The following DGKZ variants were observed in gnomAD, a reference collection of about 807,000 sequenced individuals.
The protein encoded by DGKZ is diacylglycerol kinase zeta.
In DGKZ, 45 loss-of-function variants were observed where a neutral mutation model predicts 142.5. The observed-to-expected ratio is 0.32, with a 90% CI of 0.25 to 0.40. The LOEUF (loss-of-function observed/expected upper bound fraction) is 0.40. Among genes scored for constraint, DGKZ ranks in the 10% least tolerant of loss-of-function variants. DGKZ has a pLI of 1.00. For synonymous variants in DGKZ, 442 were observed against 527.0 expected, an observed-to-expected ratio of 0.84 and a Z score of 2.21; for missense variants, 755 against 1,306.5, an observed-to-expected ratio of 0.58 and a Z score of 6.51.
intron 1 of DGKZ, among the ~76,000 whole-genome samples, chr11:46,342,299 A>C (rs905666572): frequency 1.3e-5 from 2 of 152,110 alleles, no homozygotes; most frequent in Non-Finnish European, 2.9e-5. Context: ...CAGAGATGAC[A>C]TTGACAGCGC....
At chr11:46,333,105 C>T in exon 1 of DGKZ, 1 of 502,620 alleles carries the variant, frequency 2.0e-6, no homozygotes, top group Non-Finnish European at 3.0e-6. Flanking sequence ...AGGCGCAGCG[C>T]CCAGCATCTC....
intron 27 of DGKZ, 169 bp downstream of exon 27, chr11:46,378,669 G>A: frequency 1.0e-6 from 1 of 989,622 alleles, no homozygotes; most frequent in Non-Finnish European, 1.6e-6. Flanking sequence ...CTGTATCTCT[G>A]TCTAGGCCAC....
At chr11:46,357,183 G>C (rs1036422380) in intron 1 of DGKZ, among the ~76,000 whole-genome samples, 2 of 152,110 alleles carry the variant, frequency 1.3e-5, no homozygotes, top group Non-Finnish European at 2.9e-5. Flanking sequence ...GAAGAGACTG[G>C]GGGTATTTCA....
At chr11:46,361,549 A>G in intron 1 of DGKZ, 6 of 811,992 alleles carry the variant, frequency 7.4e-6, no homozygotes, top group Non-Finnish European at 8.9e-6. Flanking sequence ...CTCAGGCTGC[A>G]GGGAGGAGGG....
At chr11:46,368,605 C>T in intron 4 of DGKZ, 1 of 264,036 alleles carries the variant, frequency 3.8e-6, no homozygotes. Flanking sequence ...TGCAGAAACC[C>T]AGGCCATCAT....
At chr11:46,360,444 G>A (rs554586587) in intron 1 of DGKZ, among the ~76,000 whole-genome samples, 23 of 151,668 alleles carry the variant, frequency 1.5e-4, no homozygotes, top group African/African-American at 5.6e-4. Context: ...CTGGAGGATG[G>A]TGTGCCCAGG....
chr11:46,366,982 C>G lies in DGKZ; in HGVS notation c.162-309C>G. 1 of 1,525,912 alleles carries G rather than the reference C, an allele frequency of 6.6e-7. No homozygotes were observed. The highest frequency in any genetic ancestry group is 8.7e-7 in the Non-Finnish European group (1 of 1,144,006). The allele number at this position is 1,525,912 out of a possible 1,614,324, so 94.5% of individuals were successfully genotyped here. ...GACCCCAGGCCTGGAGCGCCCTGCT[C>G]GCGTAGGTATAGCTGTGGCCAGCAG... On this transcript the variant is annotated intron_variant, in intron 1 of 30. Coordinates refer to ENST00000527911, the Ensembl canonical transcript of DGKZ.
chr11:46,370,771 A>G (rs759924895), intron 6 of DGKZ, among the ~76,000 whole-genome samples: 23 of 152,068 alleles, frequency 1.5e-4, no homozygotes, highest in Non-Finnish European at 2.5e-4. Context: ...TATCTTATAC[A>G]TATTTTTTTT....
chr11:46,373,776 G>A (rs1334676519), intron 14 of DGKZ, among the ~76,000 whole-genome samples: 1 of 152,218 alleles, frequency 6.6e-6, no homozygotes, highest in South Asian at 2.1e-4. Flanking sequence ...GGGATTACAG[G>A]CATGAGCCAC....
intron 1 of DGKZ, among the ~76,000 whole-genome samples, chr11:46,353,898 A>G (rs183137966): frequency 1.3e-5 from 2 of 152,220 alleles, no homozygotes; most frequent in East Asian, 3.9e-4. Flanking sequence ...CACCGCCCAC[A>G]CCCCAGCATC....
Position 46,347,471 on chromosome 11 carries a change from C to T in DGKZ, c.-189C>T, listed in dbSNP as rs1404692070. The T allele has an allele frequency of 1.0e-6, 1 of 982,516 alleles. No homozygotes were observed. The highest frequency in any genetic ancestry group is 1.2e-6 in the Non-Finnish European group (1 of 828,834). The allele number at this position is 982,516 out of a possible 1,614,324, so 60.9% of individuals were successfully genotyped here. On this transcript the variant is annotated 5_prime_UTR_variant, in exon 1 of 31. Coordinates refer to ENST00000527911, the Ensembl canonical transcript of DGKZ. This position sits in a 1 kb window ranked among gnomAD's most constrained non-coding sequence, Gnocchi z 6.4. ...CTGCGGCCGCGGCTGGCGGCACTTC[C>T]TGGAGCGGCGGCGGCAGCGGCTTCC...
intron 1 of DGKZ, among the ~76,000 whole-genome samples, chr11:46,360,463 G>A (rs1338291646): frequency 3.1e-4 from 46 of 150,818 alleles, no homozygotes; most frequent in African/African-American, 1.1e-3. Flanking sequence ...GGGAGGGCGT[G>A]GAAGCTCCTC....
At chr11:46,377,184 C>T (rs761379422) in exon 25 of DGKZ, 2 of 1,603,548 alleles carry the variant, frequency 1.2e-6, no homozygotes, top group Non-Finnish European at 1.7e-6. Context: ...TTCCCCTCTC[C>T]CCACCTCACC....
At chr11:46,378,779 C>G in intron 27 of DGKZ, 1 of 913,964 alleles carries the variant, frequency 1.1e-6, no homozygotes, top group Non-Finnish European at 1.7e-6. Context: ...GGCTTGGTCA[C>G]CAGTGCTGCC....
chr11:46,345,447 G>T, upstream of DGKZ: 1 of 1,470,086 alleles, frequency 6.8e-7, no homozygotes, highest in South Asian at 1.4e-5. The surrounding 1 kb of genome is among the most constrained non-coding windows in gnomAD (Gnocchi z 4.1). Context: ...GCCGGGGGAA[G>T]CTGCAATGAA....
chr11:46,343,057 G>C (rs1014152497), upstream of DGKZ, among the ~76,000 whole-genome samples: 2 of 152,036 alleles, frequency 1.3e-5, no homozygotes, highest in African/African-American at 2.4e-5. Context: ...CTGGGAGGCA[G>C]AGGATGTAGT....
Position 46,373,045 on chromosome 11 carries a change from G to A in DGKZ, c.1270G>A (p.Ala424Thr), listed in dbSNP as rs141331800. 1.8e-4 allele frequency: 284 copies of A among 1,543,222 alleles called. 1 individual carries two copies. The highest frequency in any genetic ancestry group is 5.2e-4 in the Middle Eastern group (3 of 5,814). ...ACAGCTGGACCGCTGGGACCTCCACGCTGAGCCCAACCCCGAGGCAGGGCC... is the reference window on the plus strand; with the variant it reads ...ACAGCTGGACCGCTGGGACCTCCACACTGAGCCCAACCCCGAGGCAGGGCC... The change falls in exon 14 of 31, where the codon GCT (alanine) becomes ACT (threonine). Residue 424 changes from alanine to threonine, a missense_variant. Ala to Thr is a moderately conservative substitution (Grantham distance 58). Around this residue, in one of 8 missense-constraint regions of DGKZ, gnomAD observed 191 missense variants for 472.1 expected, o/e 0.40. Coordinates refer to ENST00000527911, the Ensembl canonical transcript of DGKZ.
chr11:46,379,517 C>T, exon 30 of DGKZ: 1 of 1,611,876 alleles, frequency 6.2e-7, no homozygotes, highest in South Asian at 1.1e-5. Flanking sequence ...AGCGCACCAT[C>T]TGCCACTACA....
chr11:46,373,658 C>T (rs982706344), intron 14 of DGKZ, among the ~76,000 whole-genome samples: 7 of 152,008 alleles, frequency 4.6e-5, no homozygotes, highest in African/African-American at 1.4e-4. Context: ...CCACCACACC[C>T]GGCTAATTTT....
Sources: allele counts gnomAD v4.1 joint callset (sites outside exome capture counted in the v4.1 genomes callset), GRCh38; gene constraint gnomAD v4.1.1; regional missense constraint gnomAD v4.1.1; non-coding constraint Gnocchi (gnomAD v3.1); transcripts MANE v1.5; gene names NCBI Gene and HGNC (gene_info 2026-07-23, HGNC 2026-07-21).